Variants in SRP9 observed in about 807,000 individuals in gnomAD.
The protein encoded by SRP9 is signal recognition particle 9.
SRP9 carries 2 observed loss-of-function variants against 11.7 expected under a neutral mutation model. That is an observed-to-expected ratio of 0.17 (90% CI 0.07 to 0.54). The LOEUF (loss-of-function observed/expected upper bound fraction) is 0.54. Ranked by LOEUF, SRP9 falls within the 20% of genes least tolerant of loss-of-function variation. The probability of loss-of-function intolerance (pLI) is 0.94; values close to 1 mark genes in which losing one functional copy is unlikely to be tolerated. For missense variants in SRP9, 54 were observed against 108.1 expected (o/e 0.50, Z 2.22); for synonymous variants, 27 against 35.6 (o/e 0.76, Z 0.86).
chr1:225,777,982 C>T lies in SRP9; in HGVS notation c.42C>T (p.Ala14=), dbSNP rs958232353. The stretch of plus-strand genomic sequence containing the variant: ...CCTGGGAGGAGTTCAGCCGCGCTGC[C>T]GAGAAGCTTTACCTCGCTGACCCTA... ...YQTWEEFSRA[A]EKLYLADPMK... Residue 14 remains alanine (A), a synonymous_variant, in exon 1 of 3, where the codon GCC becomes GCT. Transcript: ENST00000304786. The T allele has an allele frequency of 6.2e-7, 1 of 1,614,104 alleles. No homozygotes were observed. Among genetic ancestry groups the T allele is most frequent in the African/African-American group, 1.3e-5 (1 of 74,946 alleles).
At position 225,777,856 on chromosome 1, in the gene SRP9, T is replaced by G. The variant is rs1221078159; in HGVS notation, c.-85T>G. ...CATCTTGGGGCTGCTGGGACTCGCG[T>G]CGGTTGGCGACTCCCGGACGTAGGT... On this transcript the variant is annotated 5_prime_UTR_variant, in exon 1 of 3. Transcript: ENST00000304786. 2.7e-5 allele frequency: 36 copies of G among 1,345,516 alleles called. No homozygotes were observed. The Admixed American group carries it at 5.7e-4, about 21-fold the overall frequency. The allele number at this position is 1,345,516 out of a possible 1,614,324, so 83.3% of individuals were successfully genotyped here.
At chr1:225,783,189 GT>G in intron 1 of SRP9, 110 bp from the exon 2 acceptor site, 1 of 727,772 alleles carries the variant, frequency 1.4e-6, no homozygotes, top group Non-Finnish European at 2.2e-6. Context: ...GCCTTTAGAT[GT>G]TTGGGGGTAT....
intron 2 of SRP9, among the ~76,000 whole-genome samples, chr1:225,784,266 A>T (rs1263025201): frequency 2.8e-4 from 13 of 45,784 alleles, no homozygotes; most frequent in Non-Finnish European, 4.3e-4. Context: ...TTTTTTTTTG[A>T]GACGGAGTCT....
intron 1 of SRP9, among the ~76,000 whole-genome samples, chr1:225,782,162 T>TTTTA (rs1166333398): frequency 6.6e-6 from 1 of 151,968 alleles, no homozygotes; most frequent in East Asian, 1.9e-4. Context: ...TTTTATTTTA[T>TTTTA]TTTATTTATT....
At chr1:225,783,016 C>G (rs1045421765) in intron 1 of SRP9, among the ~76,000 whole-genome samples, 1 of 152,174 alleles carries the variant, frequency 6.6e-6, no homozygotes, top group African/African-American at 2.4e-5. Context: ...CACAGACATT[C>G]CCTGAATGTG....
rs571488816 is a variant in SRP9, at chr1:225,779,128, C to CT, written c.72+1131dup. Among the ~76,000 whole-genome samples, 913 of 136,604 alleles carry CT rather than the reference C, an allele frequency of 6.7e-3. 2 individuals carry two copies. The highest frequency in any genetic ancestry group is 0.017 in the African/African-American group (621 of 37,592). The allele number at this position is 136,604 out of a possible 152,430, so 89.6% of individuals were successfully genotyped here. ...ATCTCGGAAAACCGGGGCTCAGGAT[C>CT]TTTTTTTTTTTTTTTCAATAGTTTT... On this transcript the variant is annotated intron_variant, in intron 1 of 2. Coordinates refer to ENST00000304786, the MANE Select transcript of SRP9 (RefSeq NM_003133.6).
intron 1 of SRP9, among the ~76,000 whole-genome samples, chr1:225,781,754 TGA>T (rs779763558): frequency 2.6e-5 from 4 of 152,184 alleles, no homozygotes; most frequent in Non-Finnish European, 5.9e-5. Flanking sequence ...TTCCTTTAAC[TGA>T]GAGTTAAAAC....
chr1:225,779,923 C>T (rs1002567846), intron 1 of SRP9, among the ~76,000 whole-genome samples: 2 of 152,188 alleles, frequency 1.3e-5, no homozygotes, highest in African/African-American at 4.8e-5. Context: ...TCAAGAGTAA[C>T]TGTACTGTAA....
intron 2 of SRP9, 146 bp downstream of exon 2, chr1:225,783,514 C>A (rs1042105618): frequency 4.6e-6 from 3 of 646,086 alleles, no homozygotes; most frequent in Non-Finnish European, 7.9e-6. Flanking sequence ...CTCATTCTAG[C>A]AGCTACTTTT....
chr1:225,782,759 T>G (rs1665825213), intron 1 of SRP9, among the ~76,000 whole-genome samples: 1 of 152,212 alleles, frequency 6.6e-6, no homozygotes, highest in Non-Finnish European at 1.5e-5. Context: ...AATAATGCGT[T>G]ATGTTCTACC....
chr1:225,782,886 G>A (rs541048264), intron 1 of SRP9, among the ~76,000 whole-genome samples: 10 of 152,326 alleles, frequency 6.6e-5, no homozygotes, highest in Non-Finnish European at 1.2e-4. Context: ...CTAATGAATG[G>A]ATTTGGACTT....
intron 1 of SRP9, among the ~76,000 whole-genome samples, chr1:225,783,029 T>C (rs1665829576): frequency 3.3e-5 from 5 of 152,260 alleles, no homozygotes; most frequent in Admixed American, 2.6e-4. Flanking sequence ...TGAATGTGGA[T>C]GTGTTTTGAG....
rs1369279164 is a variant in SRP9 at position 225,788,362 on chromosome 1, G to A, written c.142-878G>A. Among the ~76,000 whole-genome samples the A allele has an allele frequency of 2.0e-5, 3 of 151,944 alleles. No individual in the cohort carries two copies. The East Asian group carries it at 5.8e-4, about 29-fold the overall frequency. On this transcript the variant is annotated intron_variant, in intron 2 of 2. Coordinates refer to ENST00000304786, the MANE Select transcript of SRP9 (RefSeq NM_003133.6). ...GATTGCACCACTACACCCCCAACCT[G>A]GGCCACAGAGTGAGACACTGTCTCA...
At chr1:225,778,798 T>C (rs544916619) in intron 1 of SRP9, among the ~76,000 whole-genome samples, 47 of 152,396 alleles carry the variant, frequency 3.1e-4, no homozygotes, top group Admixed American at 3.3e-4. Flanking sequence ...TCGTGTTAAT[T>C]AAAAGTTCTG....
At chr1:225,786,890 T>A in intron 2 of SRP9, 1 of 1,112,176 alleles carries the variant, frequency 9.0e-7, no homozygotes, top group Non-Finnish European at 1.2e-6. Flanking sequence ...TTGCTCAGGC[T>A]GCAGTGCAGT....
At chr1:225,783,044 T>C (rs1665829962) in intron 1 of SRP9, among the ~76,000 whole-genome samples, 1 of 152,006 alleles carries the variant, frequency 6.6e-6, no homozygotes, top group African/African-American at 2.4e-5. Context: ...TTTGAGAATG[T>C]TCAGTACATC....
chr1:225,785,189 G>C (rs1665882961), intron 2 of SRP9, among the ~76,000 whole-genome samples: 2 of 151,086 alleles, frequency 1.3e-5, no homozygotes, highest in Admixed American at 1.3e-4. Flanking sequence ...TCCTGCCTCA[G>C]CCTCCTGAGT....
intron 1 of SRP9, 81 bp downstream of exon 1, chr1:225,778,093 C>T (rs1665719842): frequency 1.4e-5 from 21 of 1,495,220 alleles, no homozygotes; most frequent in Non-Finnish European, 1.9e-5. Flanking sequence ...GGAGCTTCCC[C>T]AGCGCTCCCA....
At chr1:225,785,866 A>G (rs1665898965) in intron 2 of SRP9, among the ~76,000 whole-genome samples, 1 of 151,772 alleles carries the variant, frequency 6.6e-6, no homozygotes, top group Non-Finnish European at 1.5e-5. Context: ...TATTTTTAGT[A>G]GAGATGAGAT....
Sources: allele counts gnomAD v4.1 joint callset (sites outside exome capture counted in the v4.1 genomes callset), GRCh38; gene constraint gnomAD v4.1.1; transcripts MANE v1.5; gene names NCBI Gene and HGNC (gene_info 2026-07-23, HGNC 2026-07-21).